The following TCOF1 variants were observed in gnomAD, a reference collection of about 807,000 sequenced individuals.
TCOF1 encodes the protein treacle ribosome biogenesis factor 1.
In TCOF1, 33 loss-of-function variants were observed where a neutral mutation model predicts 149.0. That is an observed-to-expected ratio of 0.22 (90% confidence interval 0.17 to 0.30). The LOEUF is 0.30. Among genes scored for constraint, TCOF1 ranks in the 10% least tolerant of loss-of-function variants. The pLI, the probability that TCOF1 is intolerant of heterozygous loss-of-function variation, is 1.00. For missense variants in TCOF1, 1,728 were observed against 1,840.7 expected, an observed-to-expected ratio of 0.94 and a Z score of 1.12; for synonymous variants, 789 against 738.8, an observed-to-expected ratio of 1.07 and a Z score of -1.10.
At chr5:150,386,199 G>A (rs920905243) in intron 17 of TCOF1, among the ~76,000 whole-genome samples, 4 of 152,204 alleles carry the variant, frequency 2.6e-5, no homozygotes, top group Admixed American at 2.0e-4. Context: ...AGGCCCAGTG[G>A]GGTGGCGTGG....
intron 17 of TCOF1, chr5:150,384,833 G>T (rs1230771862): frequency 1.6e-5 from 16 of 985,418 alleles, no homozygotes; most frequent in Non-Finnish European, 1.9e-5. Context: ...TTTCATTATT[G>T]TACATTTATT....
In TCOF1 at chr5:150,393,385, G is replaced by A. The variant is rs1358767039; in HGVS notation, c.3617G>A (p.Gly1206Asp). The change falls in exon 23 of 27, where the codon GGT (glycine) becomes GAT (aspartate). Residue 1206 changes from glycine (G) to aspartate (D), a missense_variant. By Grantham distance (94) the Gly-to-Asp change is moderately conservative. This residue lies in a region of TCOF1 where 1,696 missense variants were observed against 1,765.4 expected (regional missense o/e 0.96). Coordinates refer to ENST00000643257, the MANE Select transcript of TCOF1 (RefSeq NM_001371623.1). ...GGGCTTCTTCAGTCTCTCCTCTCAG[G>A]TTATATGACCCCTGGACTAACCCCA... ...VVAPSQSLLS[G>D]YMTPGLTPAN... is the part of the protein sequence containing the mutation. 1 of 1,613,948 alleles carries A rather than the reference G, an allele frequency of 6.2e-7. No homozygotes were observed. Among genetic ancestry groups the A allele is most frequent in the Non-Finnish European group, 8.5e-7 (1 of 1,179,966 alleles).
chr5:150,359,450 T>C (rs1759512926), intron 1 of TCOF1, among the ~76,000 whole-genome samples: 1 of 152,024 alleles, frequency 6.6e-6, no homozygotes, highest in African/African-American at 2.4e-5. Flanking sequence ...TGGTGGGCAG[T>C]TTGATCTTCC....
chr5:150,383,907 C>T lies in TCOF1; in HGVS notation c.2860-3995C>T, dbSNP rs537412556. On this transcript the variant is annotated intron_variant, in intron 17 of 26. Coordinates refer to ENST00000643257, the MANE Select transcript of TCOF1 (RefSeq NM_001371623.1). ...CCTTATCTTCCTGTACTCCAGAGGCCCAAGTCAGCCATGCTGGTGTGGTCC... is the reference window on the plus strand; with the variant it reads ...CCTTATCTTCCTGTACTCCAGAGGCTCAAGTCAGCCATGCTGGTGTGGTCC... The T allele has an allele frequency of 8.6e-5, 130 of 1,519,592 alleles. 1 individual carries two copies. In the African/African-American group the frequency reaches 1.7e-3, roughly 20 times the overall value. The allele number at this position is 1,519,592 out of a possible 1,614,324, so 94.1% of individuals were successfully genotyped here.
Position 150,396,296 on chromosome 5 carries a change from G to A in TCOF1, c.3799G>A (p.Ala1267Thr), listed in dbSNP as rs771070017. ...TCTCTCCATAGGTGGAAAAGAGGCTGCTTCAGGCACCACACCTCAGAAGTC... is the reference window on the plus strand; with the variant it reads ...TCTCTCCATAGGTGGAAAAGAGGCTACTTCAGGCACCACACCTCAGAAGTC... ...LSPKTGGKEA[A>T]SGTTPQKSRK... The change falls in exon 24 of 27, where the codon GCT becomes ACT. Residue 1267 changes from alanine (A) to threonine (T), a missense_variant. By Grantham distance (58) the Ala-to-Thr change is moderately conservative (BLOSUM62 0). This residue lies in a region of TCOF1 where 1,696 missense variants were observed against 1,765.4 expected (regional missense o/e 0.96). Transcript: ENST00000643257. 1.2e-6 allele frequency: 2 copies of A among 1,614,060 alleles called. No homozygotes were observed. The highest frequency in any genetic ancestry group is 2.2e-5 in the South Asian group (2 of 91,084).
intron 4 of TCOF1, chr5:150,368,157 G>A (rs1761758046): frequency 3.9e-6 from 2 of 519,092 alleles, no homozygotes; most frequent in South Asian, 4.2e-5. Flanking sequence ...TCTACACCTG[G>A]GGTAGGCGAT....
chr5:150,377,977 G>A, intron 14 of TCOF1, among the ~76,000 whole-genome samples: 1 of 152,164 alleles, frequency 6.6e-6, no homozygotes, highest in Admixed American at 6.5e-5. Context: ...TGTGTATTGA[G>A]ACTTGTTAGG....
rs749106347 is a variant in TCOF1, at chr5:150,391,938, TCTC to T, written c.3298-16_3298-14del. On this transcript the variant is annotated splice_polypyrimidine_tract_variant and intron_variant, in intron 20 of 26. Transcript: ENST00000643257. ...TGCCCTAATTTTTCCTTCCATTCCTTCTCCTTTCACCGAATTAGGTTGACAGTG... is the reference window on the plus strand; with the variant it reads ...TGCCCTAATTTTTCCTTCCATTCCTTCTTTCACCGAATTAGGTTGACAGTG... 8 of 1,613,548 alleles carry T rather than the reference TCTC, an allele frequency of 5.0e-6. No homozygotes were observed. The Admixed American group carries it at 1.0e-4, about 20-fold the overall frequency.
intron 6 of TCOF1, among the ~76,000 whole-genome samples, chr5:150,371,755 T>C (rs918283222): frequency 8.5e-5 from 13 of 152,154 alleles, no homozygotes; most frequent in Non-Finnish European, 1.9e-4. Context: ...TTGAGATCTG[T>C]TCCAAAGTCA....
At chr5:150,393,663 C>T in intron 23 of TCOF1, 111 bp downstream of exon 23, 5 of 1,419,250 alleles carry the variant, frequency 3.5e-6, no homozygotes, top group Admixed American at 1.9e-5. Context: ...TGTCTGCCCC[C>T]AGAGCCTCTC....
intron 22 of TCOF1, chr5:150,393,128 A>G: frequency 3.4e-6 from 2 of 596,680 alleles, no homozygotes; most frequent in East Asian, 2.8e-5. Flanking sequence ...TTCCATTTGT[A>G]TTAATAAGAA....
At chr5:150,385,311 T>C (rs1345815047) in intron 17 of TCOF1, among the ~76,000 whole-genome samples, 3 of 152,200 alleles carry the variant, frequency 2.0e-5, no homozygotes, top group Non-Finnish European at 4.4e-5. Flanking sequence ...GCATAATTGG[T>C]TCTAGAAGGA....
At chr5:150,369,031 C>A in intron 5 of TCOF1, 129 bp downstream of exon 5, 6 of 1,218,988 alleles carry the variant, frequency 4.9e-6, no homozygotes, top group South Asian at 1.3e-5. Flanking sequence ...CAGGTTCCTG[C>A]ATCTTAGGAC....
At chr5:150,392,823 G>A in intron 22 of TCOF1, 33 bp downstream of exon 22, 5 of 1,609,768 alleles carry the variant, frequency 3.1e-6, no homozygotes, top group Non-Finnish European at 4.2e-6. Flanking sequence ...GCAGCCCATA[G>A]GCCTTAGGGT....
intron 1 of TCOF1, among the ~76,000 whole-genome samples, chr5:150,360,924 G>A (rs1398457849): frequency 2.0e-5 from 3 of 151,804 alleles, no homozygotes; most frequent in Admixed American, 6.6e-5. Context: ...TTTTTATAGA[G>A]ACAGTCTCAC....
At chr5:150,384,610 A>C (rs1317577606) in intron 17 of TCOF1, 1 of 985,374 alleles carries the variant, frequency 1.0e-6, no homozygotes, top group Non-Finnish European at 1.2e-6. Flanking sequence ...GACTAACACA[A>C]TTAAAATGAA....
At chr5:150,390,686 G>C (rs956970671) in intron 19 of TCOF1, among the ~76,000 whole-genome samples, 5 of 152,054 alleles carry the variant, frequency 3.3e-5, no homozygotes, top group Non-Finnish European at 7.4e-5. Flanking sequence ...GGGCGGTGGG[G>C]CTGGTGTGCC....
At chr5:150,361,696 T>G (rs1760129604) in intron 2 of TCOF1, among the ~76,000 whole-genome samples, 1 of 152,214 alleles carries the variant, frequency 6.6e-6, no homozygotes, top group Non-Finnish European at 1.5e-5. Context: ...TCTGGCTTCA[T>G]CTGGGGGTCC....
chr5:150,361,121 G>T (rs1759973627), intron 1 of TCOF1, 35 bp from the exon 2 acceptor site: 5 of 1,613,762 alleles, frequency 3.1e-6, no homozygotes, highest in Non-Finnish European at 4.2e-6. Context: ...ACTGTGCTGG[G>T]GATTAATTGT....
Sources: gnomAD v4.1 joint callset for allele counts (sites outside exome capture counted in the v4.1 genomes callset) on GRCh38, gnomAD v4.1.1 for gene constraint, gnomAD v4.1.1 regional missense constraint, MANE v1.5 for transcripts, NCBI Gene and HGNC (gene_info 2026-07-23, HGNC 2026-07-21) for gene names.